Variants in SPTSSA observed in about 807,000 individuals in gnomAD.
SPTSSA encodes small subunit of serine palmitoyltransferase A.
SPTSSA carries 8 observed loss-of-function variants against 9.1 expected under a neutral mutation model. The observed-to-expected ratio is 0.88, with a 90% confidence interval of 0.51 to 1.58. The LOEUF (loss-of-function observed/expected upper bound fraction) is 1.58, where lower values mean the gene tolerates loss of function less well. Among genes scored for constraint, SPTSSA ranks in the 40% most tolerant of loss-of-function variants. The probability of loss-of-function intolerance (pLI) is 0.00; values close to 1 mark genes in which losing one functional copy is unlikely to be tolerated. For missense variants in SPTSSA, 100 were observed against 93.8 expected, an observed-to-expected ratio of 1.07 and a Z score of -0.27; for synonymous variants, 42 against 37.7, an observed-to-expected ratio of 1.11 and a Z score of -0.41.
intron 1 of SPTSSA, among the ~76,000 whole-genome samples, chr14:34,447,933 G>A (rs1024477550): frequency 6.8e-6 from 1 of 147,786 alleles, no homozygotes; most frequent in African/African-American, 2.5e-5. Flanking sequence ...CCAATTCCAG[G>A]TGAAGACACC....
rs540176817 is a variant in SPTSSA at position 34,448,565 on chromosome 14, G to C, written c.113-13261C>G. 2.0e-5 allele frequency among the ~76,000 whole-genome samples: 3 copies of C among 152,230 alleles called. No individual in the cohort carries two copies. In the East Asian group the frequency reaches 5.8e-4, roughly 29 times the overall value. On this transcript the variant is annotated intron_variant, in intron 1 of 1. Transcript: ENST00000298130. ...TTACTTCATCCTCTCCATTTACATA[G>C]GGCATACCCCAAGTAACCAATGGAA...
At chr14:34,453,883 T>TAA (rs1347267831) in intron 1 of SPTSSA, among the ~76,000 whole-genome samples, 2 of 140,406 alleles carry the variant, frequency 1.4e-5, no homozygotes, top group African/African-American at 2.8e-5. Flanking sequence ...GTTTGTTCTT[T>TAA]TAAAAAAAAA....
At chr14:34,458,904 C>CTTTTTTT (rs759940424) in intron 1 of SPTSSA, among the ~76,000 whole-genome samples, 1 of 124,044 alleles carries the variant, frequency 8.1e-6, no homozygotes, top group Non-Finnish European at 1.6e-5. Context: ...GAAATTACAA[C>CTTTTTTT]TTTTTTTTTT....
chr14:34,445,292 C>T (rs535582732), intron 1 of SPTSSA, among the ~76,000 whole-genome samples: 1 of 152,104 alleles, frequency 6.6e-6, no homozygotes, highest in African/African-American at 2.4e-5. Flanking sequence ...CACCTGAGGT[C>T]AGGAGTTGGA....
At chr14:34,436,586 A>C (rs1285050675) in intron 1 of SPTSSA, among the ~76,000 whole-genome samples, 1 of 152,222 alleles carries the variant, frequency 6.6e-6, no homozygotes, top group Non-Finnish European at 1.5e-5. Context: ...GGGTTTAAAT[A>C]AACAATGTGC....
At position 34,462,089 on chromosome 14, in the gene SPTSSA, A is replaced by G. The variant is rs367580118; in HGVS notation, c.112+7T>C. ...CGGCCCCCGCGCGCGCGGCCGGGACAGGATACTGAACACCGTCCGCTCCCA... is the reference window on the plus strand; with the variant it reads ...CGGCCCCCGCGCGCGCGGCCGGGACGGGATACTGAACACCGTCCGCTCCCA... On this transcript the variant is annotated splice_region_variant and intron_variant, in intron 1 of 1. Coordinates refer to ENST00000298130, the MANE Select transcript of SPTSSA (RefSeq NM_138288.4). 160 of 1,456,422 alleles carry G rather than the reference A, an allele frequency of 1.1e-4. No individual in the cohort carries two copies. The African/African-American group carries it at 2.1e-3, about 19-fold the overall frequency. The allele number at this position is 1,456,422 out of a possible 1,614,324, so 90.2% of individuals were successfully genotyped here.
chr14:34,440,019 T>A (rs1883293656), intron 1 of SPTSSA, among the ~76,000 whole-genome samples: 1 of 152,252 alleles, frequency 6.6e-6, no homozygotes, highest in South Asian at 2.1e-4. Flanking sequence ...GAACTAATTA[T>A]TCCTTAATGC....
intron 1 of SPTSSA, among the ~76,000 whole-genome samples, chr14:34,443,171 G>GTGTGTGTGTGT (rs775781106): frequency 1.6e-5 from 1 of 62,094 alleles, no homozygotes; most frequent in Admixed American, 1.6e-4. Flanking sequence ...GTGTGTGTGT[G>GTGTGTGTGTGT]TTTTGAGATT....
At chr14:34,455,557 G>A (rs1883605023) in intron 1 of SPTSSA, among the ~76,000 whole-genome samples, 2 of 152,124 alleles carry the variant, frequency 1.3e-5, no homozygotes, top group African/African-American at 4.8e-5. Context: ...CCATAAGGAT[G>A]TATAATCTAT....
chr14:34,436,517 C>T (rs1226553799), intron 1 of SPTSSA, among the ~76,000 whole-genome samples: 1 of 152,086 alleles, frequency 6.6e-6, no homozygotes, highest in Non-Finnish European at 1.5e-5. Flanking sequence ...ACTCTACATA[C>T]CTTTCAGCTA....
chr14:34,448,184 A>G (rs1249281571), intron 1 of SPTSSA, among the ~76,000 whole-genome samples: 4 of 151,512 alleles, frequency 2.6e-5, no homozygotes, highest in African/African-American at 9.7e-5. Flanking sequence ...TGAACTCGGG[A>G]GGTGGAGGTT....
intron 1 of SPTSSA, among the ~76,000 whole-genome samples, chr14:34,461,843 G>A (rs1878623245): frequency 6.6e-6 from 1 of 152,144 alleles, no homozygotes; most frequent in Non-Finnish European, 1.5e-5. Context: ...CAGGAATCAA[G>A]ACGCTTCCCC....
At chr14:34,439,478 G>GA (rs1364862879) in intron 1 of SPTSSA, among the ~76,000 whole-genome samples, 1 of 151,102 alleles carries the variant, frequency 6.6e-6, no homozygotes, top group Non-Finnish European at 1.5e-5. Flanking sequence ...TCTCTACCAA[G>GA]AAAAAAAATA....
intron 1 of SPTSSA, among the ~76,000 whole-genome samples, chr14:34,443,559 G>T (rs1314475270): frequency 6.9e-5 from 6 of 87,188 alleles, no homozygotes; most frequent in East Asian, 3.6e-4. Context: ...GTTTTGAGAT[G>T]GAGTTTTCCT....
At chr14:34,450,597 C>G (rs1883501853) in intron 1 of SPTSSA, among the ~76,000 whole-genome samples, 1 of 134,964 alleles carries the variant, frequency 7.4e-6, no homozygotes, top group Admixed American at 7.2e-5. Context: ...ATGACTCAAG[C>G]AATAGAGAAC....
chr14:34,454,969 C>T (rs1439957542), intron 1 of SPTSSA, among the ~76,000 whole-genome samples: 1 of 152,056 alleles, frequency 6.6e-6, no homozygotes, highest in African/African-American at 2.4e-5. Flanking sequence ...CACCTGTAAT[C>T]CCAGCTACTC....
chr14:34,435,623 C>CTTTTTTTTTTTTTTT (rs769896697), intron 1 of SPTSSA, among the ~76,000 whole-genome samples: 29 of 92,436 alleles, frequency 3.1e-4, no homozygotes, highest in African/African-American at 1.3e-3. Flanking sequence ...GTTTGTTTCT[C>CTTTTTTTTTTTTTTT]TTTTTTTTTT....
chr14:34,442,146 C>A (rs892852818), intron 1 of SPTSSA, among the ~76,000 whole-genome samples: 1 of 152,084 alleles, frequency 6.6e-6, no homozygotes, highest in African/African-American at 2.4e-5. Flanking sequence ...AAAGTGCTGC[C>A]ATTACAGGTG....
chr14:34,443,566 T>C (rs1594619572), intron 1 of SPTSSA, among the ~76,000 whole-genome samples: 3 of 117,700 alleles, frequency 2.5e-5, no homozygotes, highest in East Asian at 4.5e-4. Flanking sequence ...GATGGAGTTT[T>C]CCTCTCATTA....
Sources: allele counts gnomAD v4.1 joint callset (sites outside exome capture counted in the v4.1 genomes callset), GRCh38; gene constraint gnomAD v4.1.1; transcripts MANE v1.5; gene names NCBI Gene and HGNC (gene_info 2026-07-23, HGNC 2026-07-21).